Variants in TMEM132B observed in about 807,000 individuals in gnomAD.
TMEM132B encodes transmembrane protein 132B.
A neutral mutation model predicts 90.8 loss-of-function variants in TMEM132B; 18 were observed. The observed-to-expected ratio is 0.20, with a 90% CI of 0.14 to 0.29. The LOEUF is 0.29. Among genes scored for constraint, TMEM132B ranks in the 10% least tolerant of loss-of-function variants. TMEM132B has a pLI of 1.00. For missense variants in TMEM132B, 1,096 were observed against 1,326.8 expected (o/e 0.83, Z 2.70); for synonymous variants, 504 against 523.3 (o/e 0.96, Z 0.50).
At chr12:125,632,687 T>C (rs1312478473) in intron 5 of TMEM132B, among the ~76,000 whole-genome samples, 1 of 152,086 alleles carries the variant, frequency 6.6e-6, no homozygotes, top group Non-Finnish European at 1.5e-5. Context: ...AGTTTTTTTT[T>C]CCTCCTTCAG....
intron 2 of TMEM132B, among the ~76,000 whole-genome samples, chr12:125,392,709 G>C (rs1566021632): frequency 6.6e-6 from 1 of 152,196 alleles, no homozygotes; most frequent in African/African-American, 2.4e-5. Flanking sequence ...TGCAGGCTGG[G>C]ACCAATAACC....
At chr12:125,218,769 G>GTTTTTTTTTTTTTTTTTTTTTTTTTTTTT (rs34905706) in intron 1 of TMEM132B, among the ~76,000 whole-genome samples, 2 of 108,854 alleles carry the variant, frequency 1.8e-5, no homozygotes, top group Non-Finnish European at 3.5e-5. Context: ...TGTTGAAGCT[G>GTTTTTTTTTTTTTTTTTTTTTTTTTTTTT]TTTTTTTTTT....
intron 3 of TMEM132B, among the ~76,000 whole-genome samples, chr12:125,447,794 T>G (rs1881044628): frequency 6.6e-6 from 1 of 152,254 alleles, no homozygotes; most frequent in African/African-American, 2.4e-5. Flanking sequence ...GCAGTTATTT[T>G]CTCTCAGCAC....
chr12:125,657,831 GA>G lies in TMEM132B; in HGVS notation c.*3123del. On this transcript the variant is annotated 3_prime_UTR_variant, in exon 9 of 9. Coordinates refer to ENST00000682704, the MANE Select transcript of TMEM132B (RefSeq NM_001366854.1). ...CAGACAGTGAACTCTGTGGTCACAT[GA>G]AGGGAGGTTCAGATGCTAGACGACC... 1 of 152,432 alleles carries G rather than the reference GA, an allele frequency of 6.6e-6. No individual in the cohort carries two copies. The highest frequency in any genetic ancestry group is 1.5e-5 in the Non-Finnish European group (1 of 68,058). 9.4% of individuals were successfully genotyped at this position (152,432 alleles called of 1,614,324 possible).
At chr12:125,517,732 A>C (rs938339365) in intron 3 of TMEM132B, among the ~76,000 whole-genome samples, 4 of 152,080 alleles carry the variant, frequency 2.6e-5, no homozygotes, top group Non-Finnish European at 5.9e-5. Flanking sequence ...CCATCCCCAT[A>C]ATTCTACTGA....
At chr12:125,288,522 C>T (rs1352767748) in intron 1 of TMEM132B, among the ~76,000 whole-genome samples, 1 of 149,558 alleles carries the variant, frequency 6.7e-6, no homozygotes, top group Non-Finnish European at 1.5e-5. Context: ...ATCACTTATT[C>T]ACTTATTTTT....
At chr12:125,648,405 T>A (rs954869595) in intron 6 of TMEM132B, among the ~76,000 whole-genome samples, 3 of 152,184 alleles carry the variant, frequency 2.0e-5, no homozygotes, top group African/African-American at 4.8e-5. Flanking sequence ...TAGACTGTAA[T>A]AAGTTATGCT....
chr12:125,586,911 G>A (rs1363698739), intron 5 of TMEM132B: 3 of 152,148 alleles, frequency 2.0e-5, no homozygotes, highest in Admixed American at 6.5e-5. Flanking sequence ...AGAGCGAATC[G>A]TCTATCCATG....
At chr12:125,462,738 A>G (rs571383000) in intron 3 of TMEM132B, among the ~76,000 whole-genome samples, 25 of 152,326 alleles carry the variant, frequency 1.6e-4, no homozygotes, top group South Asian at 1.2e-3. Flanking sequence ...AAATATTTCT[A>G]TGACCTTCTT....
intron 2 of TMEM132B, among the ~76,000 whole-genome samples, chr12:125,412,514 C>T (rs1353281624): frequency 6.6e-6 from 1 of 152,150 alleles, no homozygotes; most frequent in African/African-American, 2.4e-5. Context: ...GATCTGGTTT[C>T]GAATCCTGGC....
chr12:125,194,529 C>T (rs1872883720), intron 1 of TMEM132B, among the ~76,000 whole-genome samples: 2 of 152,204 alleles, frequency 1.3e-5, no homozygotes, highest in East Asian at 3.9e-4. Context: ...GGCAGCACCT[C>T]ATCTCCTGGC....
chr12:125,512,877 G>C (rs1883017417), intron 3 of TMEM132B, among the ~76,000 whole-genome samples: 1 of 152,258 alleles, frequency 6.6e-6, no homozygotes, highest in African/African-American at 2.4e-5. Flanking sequence ...GAGGCAGAGA[G>C]ACGAACTAAA....
intron 5 of TMEM132B, among the ~76,000 whole-genome samples, chr12:125,604,538 A>G (rs531483897): frequency 6.6e-6 from 1 of 152,308 alleles, no homozygotes; most frequent in South Asian, 2.1e-4. Context: ...AGGTGCAGCA[A>G]AGCACCATGG....
chr12:125,405,410 A>G (rs35404636), intron 2 of TMEM132B, among the ~76,000 whole-genome samples: 22,555 of 152,192 alleles, frequency 0.15, 1,810 homozygotes, highest in South Asian at 0.21. Context: ...AATTACATCA[A>G]TGAAGACCCT....
chr12:125,329,653 C>T (rs989765645), intron 1 of TMEM132B, among the ~76,000 whole-genome samples: 1 of 152,210 alleles, frequency 6.6e-6, no homozygotes, highest in African/African-American at 2.4e-5. Flanking sequence ...TGTCTCAGAG[C>T]TGTCGTGGCT....
intron 4 of TMEM132B, among the ~76,000 whole-genome samples, chr12:125,574,737 A>G (rs1373983721): frequency 6.6e-6 from 1 of 151,952 alleles, no homozygotes; most frequent in African/African-American, 2.4e-5. Context: ...CCTGTATTAT[A>G]TCTACTTCTT....
At chr12:125,540,254 G>T (rs1566067627) in intron 4 of TMEM132B, among the ~76,000 whole-genome samples, 1 of 152,068 alleles carries the variant, frequency 6.6e-6, no homozygotes, top group African/African-American at 2.4e-5. Flanking sequence ...CTTGATAAAT[G>T]CTCTGTGCAC....
At chr12:125,394,694 G>A (rs909201042) in intron 2 of TMEM132B, among the ~76,000 whole-genome samples, 2 of 152,192 alleles carry the variant, frequency 1.3e-5, no homozygotes, top group African/African-American at 4.8e-5. Context: ...ATTTGGCTAT[G>A]AATCTGGGAC....
At chr12:125,567,873 G>A (rs1313833972) in intron 4 of TMEM132B, among the ~76,000 whole-genome samples, 1 of 152,152 alleles carries the variant, frequency 6.6e-6, no homozygotes, top group Non-Finnish European at 1.5e-5. Context: ...GTGGTGCAAG[G>A]AATTAGAGAA....
Sources: gnomAD v4.1 joint callset for allele counts (sites outside exome capture counted in the v4.1 genomes callset) on GRCh38, gnomAD v4.1.1 for gene constraint, MANE v1.5 for transcripts, NCBI Gene and HGNC (gene_info 2026-07-23, HGNC 2026-07-21) for gene names.